The following RANBP17 variants were observed in gnomAD, a reference collection of about 807,000 sequenced individuals.
RANBP17 encodes the protein ran-binding protein 17.
RANBP17 carries 158 observed loss-of-function variants against 141.2 expected under a neutral mutation model. The observed-to-expected ratio is 1.12, with a 90% CI of 0.98 to 1.28. RANBP17 has a LOEUF of 1.28. Ranked by LOEUF, RANBP17 falls within the 50% of genes most tolerant of loss-of-function variation. The pLI, the probability that RANBP17 is intolerant of heterozygous loss-of-function variation, is 0.00. For missense variants in RANBP17, 1,438 were observed against 1,290.7 expected, an observed-to-expected ratio of 1.11 and a Z score of -1.75; for synonymous variants, 430 against 450.0, an observed-to-expected ratio of 0.96 and a Z score of 0.56.
chr5:171,213,988 CATT>C (rs1260381659), intron 21 of RANBP17, among the ~76,000 whole-genome samples: 1 of 152,094 alleles, frequency 6.6e-6, no homozygotes, highest in Non-Finnish European at 1.5e-5. Context: ...CTGCAGCCAC[CATT>C]ATTTAAAAAT....
chr5:171,107,374 A>T (rs1321798238), intron 14 of RANBP17, among the ~76,000 whole-genome samples: 1 of 152,194 alleles, frequency 6.6e-6, no homozygotes, highest in Non-Finnish European at 1.5e-5. Context: ...GAGCATCCCT[A>T]GTTCCTGTTC....
chr5:171,013,471 T>C (rs1780209296), intron 14 of RANBP17, among the ~76,000 whole-genome samples: 1 of 152,058 alleles, frequency 6.6e-6, no homozygotes, highest in Non-Finnish European at 1.5e-5. Flanking sequence ...GTTCTAGATA[T>C]TTTTTTAACA....
chr5:171,042,662 AC>A (rs1436060652), intron 14 of RANBP17, among the ~76,000 whole-genome samples: 1 of 152,152 alleles, frequency 6.6e-6, no homozygotes, highest in African/African-American at 2.4e-5. Context: ...AAAGGTTCTA[AC>A]TAGTGTCCTT....
At chr5:170,949,215 G>T (rs1197764103) in intron 12 of RANBP17, among the ~76,000 whole-genome samples, 2 of 152,074 alleles carry the variant, frequency 1.3e-5, no homozygotes, top group Non-Finnish European at 2.9e-5. Flanking sequence ...ATAGACCAGA[G>T]TTTATCTAAT....
chr5:170,881,939 A>T (rs1302834261), intron 3 of RANBP17, 43 bp downstream of exon 3: 1 of 1,332,754 alleles, frequency 7.5e-7, no homozygotes, highest in Non-Finnish European at 1.1e-6. Context: ...CGCTTTAAAA[A>T]TCTTTTTCTT....
At chr5:171,025,858 G>T (rs1781201407) in intron 14 of RANBP17, among the ~76,000 whole-genome samples, 2 of 152,028 alleles carry the variant, frequency 1.3e-5, no homozygotes, top group South Asian at 4.2e-4. Context: ...AATGTTCTGG[G>T]ATTGCAGACA....
chr5:170,945,406 C>T (rs1423356212), intron 12 of RANBP17, among the ~76,000 whole-genome samples: 2 of 152,100 alleles, frequency 1.3e-5, no homozygotes, highest in Admixed American at 6.5e-5. Context: ...ATAATAGTTA[C>T]ACTAGCCAAC....
rs191540122 is a variant in RANBP17 at position 170,871,779 on chromosome 5, C to A, written c.19-6318C>A. Among the ~76,000 whole-genome samples the A allele has an allele frequency of 9.0e-4, 137 of 152,248 alleles. 1 individual carries two copies. In the East Asian group the frequency reaches 0.011, roughly 12 times the overall value. On this transcript the variant is annotated intron_variant, in intron 1 of 27. Coordinates refer to ENST00000523189, the MANE Select transcript of RANBP17 (RefSeq NM_022897.5). Reference sequence around the variant, plus strand: ...AGCACCATCTATTAAATAGGGAATTCTCTCCCCATTGCTTGTTTTTGTCAG... The same window carrying A: ...AGCACCATCTATTAAATAGGGAATTATCTCCCCATTGCTTGTTTTTGTCAG...
intron 14 of RANBP17, among the ~76,000 whole-genome samples, chr5:171,146,796 CT>C (rs1159448436): frequency 1.3e-5 from 2 of 152,080 alleles, no homozygotes; most frequent in East Asian, 3.9e-4. Context: ...CTTCATAATC[CT>C]TTAGGGCTAA....
At chr5:170,946,192 A>G (rs1245955741) in intron 12 of RANBP17, among the ~76,000 whole-genome samples, 1 of 152,166 alleles carries the variant, frequency 6.6e-6, no homozygotes, top group Non-Finnish European at 1.5e-5. Flanking sequence ...ACTACTATAT[A>G]AATGTTTGCT....
At chr5:171,175,755 C>T (rs1760426777) in intron 16 of RANBP17, among the ~76,000 whole-genome samples, 1 of 151,862 alleles carries the variant, frequency 6.6e-6, no homozygotes, top group South Asian at 2.1e-4. Context: ...TTTTTAAAAT[C>T]AGACTCTATA....
chr5:171,047,441 TG>T (rs1782666157), intron 14 of RANBP17, among the ~76,000 whole-genome samples: 1 of 92,960 alleles, frequency 1.1e-5, no homozygotes, highest in Non-Finnish European at 2.7e-5. Context: ...TTTTTTGTTT[TG>T]TTTTTTTTTT....
intron 14 of RANBP17, among the ~76,000 whole-genome samples, chr5:171,076,829 G>GA (rs1380050667): frequency 2.6e-5 from 4 of 152,030 alleles, no homozygotes; most frequent in Non-Finnish European, 4.4e-5. Context: ...AGATATTAGG[G>GA]AAAAAAATCC....
intron 14 of RANBP17, among the ~76,000 whole-genome samples, chr5:171,056,512 G>C (rs1024912737): frequency 1.3e-5 from 2 of 152,024 alleles, no homozygotes; most frequent in African/African-American, 4.8e-5. Flanking sequence ...AGAATTACAG[G>C]AGTTTCCCGT....
chr5:170,990,267 T>C (rs1228143253), intron 14 of RANBP17, among the ~76,000 whole-genome samples: 2 of 151,916 alleles, frequency 1.3e-5, no homozygotes, highest in Admixed American at 1.3e-4. Flanking sequence ...TCCCACTGAT[T>C]TCAGCGAAAG....
intron 14 of RANBP17, among the ~76,000 whole-genome samples, chr5:171,151,373 C>T (rs1292434641): frequency 4.6e-5 from 7 of 152,022 alleles, no homozygotes; most frequent in Admixed American, 4.6e-4. Context: ...AGGATATTGG[C>T]AGGACTTGAA....
At chr5:171,204,632 T>G (rs1412693050) in intron 19 of RANBP17, among the ~76,000 whole-genome samples, 5 of 152,196 alleles carry the variant, frequency 3.3e-5, no homozygotes, top group Non-Finnish European at 7.4e-5. Flanking sequence ...TCCGACATTC[T>G]AGCATCTGTT....
At chr5:171,124,510 A>C (rs1322165654) in intron 14 of RANBP17, among the ~76,000 whole-genome samples, 1 of 152,218 alleles carries the variant, frequency 6.6e-6, no homozygotes, top group Non-Finnish European at 1.5e-5. Flanking sequence ...TTCCAGATAC[A>C]GGAAACTCAA....
chr5:171,026,726 A>G (rs1027062905), intron 14 of RANBP17, among the ~76,000 whole-genome samples: 1 of 151,498 alleles, frequency 6.6e-6, no homozygotes, highest in Non-Finnish European at 1.5e-5. Context: ...CTGGTTTACA[A>G]TTTTTTTCTT....
Sources: allele counts gnomAD v4.1 joint callset (sites outside exome capture counted in the v4.1 genomes callset), GRCh38; gene constraint gnomAD v4.1.1; transcripts MANE v1.5; gene names NCBI Gene and HGNC (gene_info 2026-07-23, HGNC 2026-07-21).